Variants in ZNF804B observed in about 807,000 individuals in gnomAD.
ZNF804B encodes the protein zinc finger protein 804B.
ZNF804B carries 80 observed loss-of-function variants against 101.4 expected under a neutral mutation model. The observed-to-expected ratio is 0.79, with a 90% CI of 0.66 to 0.95. The LOEUF (loss-of-function observed/expected upper bound fraction) is 0.95. ZNF804B is among the 40% of genes least tolerant of loss of function. The probability of loss-of-function intolerance (pLI) is 0.00; values close to 1 mark genes in which losing one functional copy is unlikely to be tolerated. For missense variants in ZNF804B, 1,673 were observed against 1,561.9 expected (o/e 1.07, Z -1.20); for synonymous variants, 622 against 558.8 (o/e 1.11, Z -1.59).
intron 1 of ZNF804B, among the ~76,000 whole-genome samples, chr7:88,909,378 A>G (rs1465989720): frequency 6.6e-6 from 1 of 151,864 alleles, no homozygotes; most frequent in Non-Finnish European, 1.5e-5. Context: ...ATGCGTAAGG[A>G]TGAAAGAGCT....
chr7:89,031,622 G>A (rs952909765), intron 1 of ZNF804B, among the ~76,000 whole-genome samples: 1 of 150,798 alleles, frequency 6.6e-6, no homozygotes, highest in Non-Finnish European at 1.5e-5. Context: ...TTTACAGGAT[G>A]TGGAAAAGGC....
At chr7:89,158,767 ACTTT>A (rs1791015243) in intron 1 of ZNF804B, among the ~76,000 whole-genome samples, 1 of 152,066 alleles carries the variant, frequency 6.6e-6, no homozygotes, top group Non-Finnish European at 1.5e-5. Flanking sequence ...CTTTGCACAA[ACTTT>A]CTTTCTATTA....
At chr7:89,088,888 C>G (rs966805368) in intron 1 of ZNF804B, among the ~76,000 whole-genome samples, 2 of 151,912 alleles carry the variant, frequency 1.3e-5, no homozygotes, top group African/African-American at 4.8e-5. Flanking sequence ...TAAAGCCTCT[C>G]TAAAGACTGA....
intron 1 of ZNF804B, among the ~76,000 whole-genome samples, chr7:88,778,313 T>C (rs1790175235): frequency 6.6e-6 from 1 of 152,186 alleles, no homozygotes; most frequent in Admixed American, 6.5e-5. Flanking sequence ...AAATAACTCA[T>C]GGTTCGATCG....
intron 1 of ZNF804B, among the ~76,000 whole-genome samples, chr7:88,995,625 T>C (rs559527933): frequency 6.6e-6 from 1 of 150,546 alleles, no homozygotes; most frequent in Admixed American, 6.6e-5. Context: ...TTATGACTTA[T>C]GTTATAGAAC....
intron 1 of ZNF804B, among the ~76,000 whole-genome samples, chr7:89,189,264 G>GA (rs549637004): frequency 6.6e-5 from 10 of 150,682 alleles, no homozygotes; most frequent in African/African-American, 1.5e-4. Flanking sequence ...CTATTACTCA[G>GA]AAAAAAAAAG....
At chr7:89,066,690 A>G (rs915995730) in intron 1 of ZNF804B, among the ~76,000 whole-genome samples, 1 of 152,146 alleles carries the variant, frequency 6.6e-6, no homozygotes, top group Non-Finnish European at 1.5e-5. Context: ...ATTGTATAGA[A>G]AAATTATTTT....
At chr7:89,160,094 A>G (rs913908409) in intron 1 of ZNF804B, among the ~76,000 whole-genome samples, 2 of 152,184 alleles carry the variant, frequency 1.3e-5, no homozygotes, top group Non-Finnish European at 2.9e-5. Flanking sequence ...AAGGTAAGCC[A>G]TATCATTTAG....
intron 1 of ZNF804B, among the ~76,000 whole-genome samples, chr7:89,173,459 C>T (rs1791269605): frequency 6.6e-6 from 1 of 151,776 alleles, no homozygotes; most frequent in South Asian, 2.1e-4. Context: ...CTCAGCAATC[C>T]CACTTTAGAA....
intron 1 of ZNF804B, among the ~76,000 whole-genome samples, chr7:89,143,443 ATATCTAT>A (rs778446500): frequency 2.0e-5 from 3 of 151,968 alleles, no homozygotes; most frequent in Non-Finnish European, 2.9e-5. Flanking sequence ...CCAGCTTCTA[ATATCTAT>A]CTAACTACCT....
chr7:89,114,916 CA>C (rs908943534), intron 1 of ZNF804B, among the ~76,000 whole-genome samples: 1 of 152,100 alleles, frequency 6.6e-6, no homozygotes, highest in African/African-American at 2.4e-5. Context: ...AAAACAAAAA[CA>C]AAAACTATTA....
At chr7:89,039,156 G>A (rs539516721) in intron 1 of ZNF804B, among the ~76,000 whole-genome samples, 6 of 151,904 alleles carry the variant, frequency 3.9e-5, no homozygotes, top group African/African-American at 9.6e-5. Context: ...GTTTGCTGCC[G>A]TTTGTGGTTT....
In ZNF804B at chr7:89,199,605, C is replaced by G. The variant is rs540580446; in HGVS notation, c.109-18550C>G. 5.9e-5 allele frequency among the ~76,000 whole-genome samples: 9 copies of G among 151,846 alleles called. No homozygotes were observed. In the East Asian group the frequency reaches 1.5e-3, roughly 26 times the overall value. Reference sequence around the variant, plus strand: ...ACAAAACAGATCAAATTGCTGAGTGCCCCACACCCATGAGAAACCGAAGCT... The same window carrying G: ...ACAAAACAGATCAAATTGCTGAGTGGCCCACACCCATGAGAAACCGAAGCT... On this transcript the variant is annotated intron_variant, in intron 1 of 3. Coordinates refer to ENST00000333190, the MANE Select transcript of ZNF804B (RefSeq NM_181646.5).
At chr7:88,976,341 A>G (rs1197491002) in intron 1 of ZNF804B, among the ~76,000 whole-genome samples, 1 of 151,576 alleles carries the variant, frequency 6.6e-6, no homozygotes, top group Non-Finnish European at 1.5e-5. Flanking sequence ...TTCTTTGGTT[A>G]GTATTGATAT....
chr7:89,059,392 G>A (rs1364464004), intron 1 of ZNF804B, among the ~76,000 whole-genome samples: 1 of 152,144 alleles, frequency 6.6e-6, no homozygotes, highest in Non-Finnish European at 1.5e-5. Context: ...TACAATAATG[G>A]TGGGAGGCAA....
At chr7:89,046,463 A>T (rs1789108216) in intron 1 of ZNF804B, among the ~76,000 whole-genome samples, 1 of 152,292 alleles carries the variant, frequency 6.6e-6, no homozygotes, top group East Asian at 1.9e-4. Context: ...TAAACAAAAA[A>T]GTTTGTAACT....
At chr7:89,009,232 T>A (rs1280962734) in intron 1 of ZNF804B, among the ~76,000 whole-genome samples, 2 of 152,190 alleles carry the variant, frequency 1.3e-5, no homozygotes, top group Admixed American at 1.3e-4. Flanking sequence ...CTTTATCACT[T>A]TCTTAATCTA....
intron 2 of ZNF804B, among the ~76,000 whole-genome samples, chr7:89,245,338 A>C (rs1186009676): frequency 6.6e-6 from 1 of 152,210 alleles, no homozygotes; most frequent in East Asian, 1.9e-4. Flanking sequence ...ATAGACTTGA[A>C]GAAATTTCAC....
At chr7:89,192,958 G>A (rs545836799) in intron 1 of ZNF804B, among the ~76,000 whole-genome samples, 8 of 152,164 alleles carry the variant, frequency 5.3e-5, no homozygotes, top group African/African-American at 1.7e-4. Context: ...ATCCTTTCAT[G>A]TTAAAAACTC....
Sources: allele counts gnomAD v4.1 joint callset (sites outside exome capture counted in the v4.1 genomes callset), GRCh38; gene constraint gnomAD v4.1.1; transcripts MANE v1.5; gene names NCBI Gene and HGNC (gene_info 2026-07-23, HGNC 2026-07-21).